Variants in CACNA1C observed in about 807,000 individuals in gnomAD.
CACNA1C encodes calcium voltage-gated channel subunit alpha1 C.
CACNA1C carries 30 observed loss-of-function variants against 229.0 expected under a neutral mutation model. That is an observed-to-expected ratio of 0.13 (90% CI 0.10 to 0.18). The LOEUF is 0.18. Among genes scored for constraint, CACNA1C ranks in the 10% least tolerant of loss-of-function variants. The probability of loss-of-function intolerance (pLI) is 1.00; values close to 1 mark genes in which losing one functional copy is unlikely to be tolerated. For synonymous variants in CACNA1C, 1,114 were observed against 1,132.5 expected (o/e 0.98, Z 0.33); for missense variants, 1,658 against 2,845.0 (o/e 0.58, Z 9.49).
intron 1 of CACNA1C, among the ~76,000 whole-genome samples, chr12:1,996,657 AAC>A (rs1390966036): frequency 0.021 from 413 of 20,042 alleles, 63 homozygotes; most frequent in African/African-American, 0.028. Flanking sequence ...AAAAAAAAAC[AAC>A]AAACTCTTCT....
At chr12:2,534,657 C>T (rs1357139350) in intron 9 of CACNA1C, among the ~76,000 whole-genome samples, 1 of 152,116 alleles carries the variant, frequency 6.6e-6, no homozygotes, top group Non-Finnish European at 1.5e-5. Flanking sequence ...ATGAGCAAGT[C>T]CTCATCTCTC....
Position 2,029,747 on chromosome 12 carries a change from G to A in CACNA1C, c.139+58546G>A, listed in dbSNP as rs1338189388. On this transcript the variant is annotated intron_variant, in intron 1 of 46. Coordinates refer to the CACNA1C transcript ENST00000682462. This position sits in a 1 kb window ranked among gnomAD's most constrained non-coding sequence, Gnocchi z 4.9. ...CCCACAACTTGGTCATTAGTAAGGGGCTAACACTGTGGTTCTATTATTTAC... is the reference window on the plus strand; with the variant it reads ...CCCACAACTTGGTCATTAGTAAGGGACTAACACTGTGGTTCTATTATTTAC... 2.6e-5 allele frequency among the ~76,000 whole-genome samples: 4 copies of A among 152,308 alleles called. No individual in the cohort carries two copies. The highest frequency in any genetic ancestry group is 4.1e-4 in the South Asian group (2 of 4,822).
intron 29 of CACNA1C, among the ~76,000 whole-genome samples, chr12:2,624,532 T>C (rs1317388812): frequency 1.3e-5 from 2 of 152,232 alleles, no homozygotes; most frequent in African/African-American, 4.8e-5. Flanking sequence ...ATATTCACAT[T>C]GAAGAACTTG....
chr12:2,379,848 G>A (rs958193361), intron 3 of CACNA1C, among the ~76,000 whole-genome samples: 5 of 150,964 alleles, frequency 3.3e-5, no homozygotes, highest in African/African-American at 9.8e-5. Flanking sequence ...CGGCTAAAAC[G>A]GTGAAACCCC....
intron 10 of CACNA1C, among the ~76,000 whole-genome samples, chr12:2,554,837 A>C (rs1265943286): frequency 2.6e-5 from 4 of 152,214 alleles, no homozygotes; most frequent in Non-Finnish European, 5.9e-5. Context: ...GCCGCTGAGC[A>C]GTGTCCTCCC....
At chr12:2,531,141 T>A (rs2099840058) in intron 9 of CACNA1C, among the ~76,000 whole-genome samples, 1 of 152,234 alleles carries the variant, frequency 6.6e-6, no homozygotes, top group Admixed American at 6.5e-5. Context: ...TCACTTCACA[T>A]TTTCAGATGA....
At position 2,598,014 on chromosome 12, in the gene CACNA1C, T is replaced by G. The variant is rs185909820; in HGVS notation, c.2853+725T>G. On this transcript the variant is annotated intron_variant, in intron 21 of 46. Transcript: ENST00000399655. ...AGCAGATATTGGGTCTAAGCTGGAG[T>G]TGGGGCTGTGTCACAGTGATCACAG... Among the ~76,000 whole-genome samples the G allele has an allele frequency of 8.4e-4, 128 of 152,268 alleles. 1 individual carries two copies. The highest frequency in any genetic ancestry group is 3.0e-3 in the African/African-American group (125 of 41,560).
At chr12:2,123,513 A>G (rs940391208) in intron 3 of CACNA1C, among the ~76,000 whole-genome samples, 2 of 152,106 alleles carry the variant, frequency 1.3e-5, no homozygotes, top group South Asian at 4.1e-4. Flanking sequence ...GGGCAGTGAC[A>G]ATTATATGTG....
At chr12:2,394,858 C>G (rs1046984782) in intron 3 of CACNA1C, among the ~76,000 whole-genome samples, 3 of 152,134 alleles carry the variant, frequency 2.0e-5, no homozygotes, top group Non-Finnish European at 4.4e-5. Flanking sequence ...TCTAACTTGG[C>G]CAGATGTACC....
In CACNA1C at chr12:2,635,916, A is replaced by C. The variant is rs147313897; in HGVS notation, c.3912+1536A>C. Among the ~76,000 whole-genome samples the C allele has an allele frequency of 1.6e-4, 24 of 152,178 alleles. No individual in the cohort carries two copies. In the East Asian group the frequency reaches 4.1e-3, roughly 26 times the overall value. On this transcript the variant is annotated intron_variant, in intron 30 of 46. Transcript: ENST00000399655. ...CACTCTCTCTTAACTTCTCCCAGTA[A>C]ATCCTCAGATCATTTTTTTAAAATT...
intron 1 of CACNA1C, chr12:2,018,275 T>C (rs1188715996): frequency 6.6e-6 from 1 of 152,216 alleles, no homozygotes; most frequent in Non-Finnish European, 1.5e-5. Context: ...ATAAGCAACC[T>C]TGAGAGCAAA....
At chr12:2,193,044 A>G (rs763653518) in intron 3 of CACNA1C, among the ~76,000 whole-genome samples, 1 of 152,248 alleles carries the variant, frequency 6.6e-6, no homozygotes, top group Non-Finnish European at 1.5e-5. Flanking sequence ...TGCAGGGTAC[A>G]CCCAGGAGAA....
intron 1 of CACNA1C, among the ~76,000 whole-genome samples, chr12:2,059,629 C>G (rs1049891032): frequency 1.3e-5 from 2 of 152,142 alleles, no homozygotes; most frequent in African/African-American, 4.8e-5. Context: ...GGGCTAGGCT[C>G]TGGTTCGTTA....
At chr12:2,472,449 C>T (rs1402509860) in intron 5 of CACNA1C, among the ~76,000 whole-genome samples, 2 of 152,062 alleles carry the variant, frequency 1.3e-5, no homozygotes, top group African/African-American at 4.8e-5. Flanking sequence ...ATGGAATTTC[C>T]ATTCTGTTCC....
intron 5 of CACNA1C, among the ~76,000 whole-genome samples, chr12:2,462,633 G>A (rs1015546052): frequency 2.6e-5 from 4 of 152,210 alleles, no homozygotes; most frequent in Non-Finnish European, 5.9e-5. Context: ...CGCCCATGGC[G>A]GCTGGCATAG....
chr12:2,146,630 G>A (rs1288127398), intron 3 of CACNA1C, among the ~76,000 whole-genome samples: 1 of 151,112 alleles, frequency 6.6e-6, no homozygotes, highest in Non-Finnish European at 1.5e-5. Flanking sequence ...AGAGCCATTG[G>A]AAAGGCATAT....
chr12:2,093,378 G>A (rs2072241702), intron 1 of CACNA1C, among the ~76,000 whole-genome samples: 1 of 152,228 alleles, frequency 6.6e-6, no homozygotes, highest in African/African-American at 2.4e-5. Flanking sequence ...GCATTGTGAG[G>A]CCACATAGTG....
intron 3 of CACNA1C, among the ~76,000 whole-genome samples, chr12:2,267,653 T>C (rs868479118): frequency 7.9e-5 from 12 of 152,174 alleles, no homozygotes; most frequent in Middle Eastern, 3.2e-3. Context: ...AAGAACAGAA[T>C]AATAAGAAGG....
chr12:2,091,236 A>C (rs920274974), intron 1 of CACNA1C, among the ~76,000 whole-genome samples: 2 of 151,898 alleles, frequency 1.3e-5, no homozygotes, highest in Middle Eastern at 3.2e-3. Context: ...TATAACTAGC[A>C]CCCCTCTGGA....
Sources: allele counts gnomAD v4.1 joint callset (sites outside exome capture counted in the v4.1 genomes callset), GRCh38; gene constraint gnomAD v4.1.1; non-coding constraint Gnocchi (gnomAD v3.1); transcripts MANE v1.5; gene names NCBI Gene and HGNC (gene_info 2026-07-23, HGNC 2026-07-21).